WARS1: variants seen among roughly 807,000 people sequenced by gnomAD.
The protein encoded by WARS1 is tryptophan--tRNA ligase, cytoplasmic.
Under a neutral mutation model 47.8 loss-of-function variants are expected in WARS1, and 17 were observed. That is an observed-to-expected ratio of 0.36 (90% confidence interval 0.24 to 0.53). WARS1 has a LOEUF of 0.53. WARS1 is among the 20% of genes least tolerant of loss of function. The pLI, the probability that WARS1 is intolerant of heterozygous loss-of-function variation, is 0.91. For synonymous variants in WARS1, 208 were observed against 228.1 expected (o/e 0.91, Z 0.79); for missense variants, 434 against 608.0 (o/e 0.71, Z 3.01).
chr14:100,374,557 A>C (rs958345339), intron 1 of WARS1, among the ~76,000 whole-genome samples: 4 of 152,226 alleles, frequency 2.6e-5, no homozygotes, highest in Non-Finnish European at 5.9e-5. Flanking sequence ...GAATTGTTTA[A>C]CAGAACAACA....
At chr14:100,363,010 C>T (rs967335872) in intron 2 of WARS1, among the ~76,000 whole-genome samples, 5 of 152,136 alleles carry the variant, frequency 3.3e-5, no homozygotes, top group African/African-American at 7.2e-5. Flanking sequence ...CCAATGGATA[C>T]GATTCATAGA....
chr14:100,352,919 G>A (rs1291920816), intron 6 of WARS1: 1 of 152,230 alleles, frequency 6.6e-6, no homozygotes, highest in Non-Finnish European at 1.5e-5. Flanking sequence ...TTAAATGGCT[G>A]ATTAAAAGAA....
intron 2 of WARS1, among the ~76,000 whole-genome samples, chr14:100,362,180 A>G (rs1424974975): frequency 6.6e-6 from 1 of 152,208 alleles, no homozygotes; most frequent in African/African-American, 2.4e-5. Context: ...CTGTTATTCT[A>G]GTGCTACCAT....
At chr14:100,366,174 C>T (rs1368666776) in intron 2 of WARS1, 13 of 449,804 alleles carry the variant, frequency 2.9e-5, no homozygotes, top group Admixed American at 7.1e-5. Context: ...TAGGGAGCTT[C>T]GGGGAAGGAT....
chr14:100,346,373 TC>T (rs1236817753), intron 7 of WARS1, among the ~76,000 whole-genome samples: 1 of 152,176 alleles, frequency 6.6e-6, no homozygotes, highest in East Asian at 1.9e-4. Context: ...GACCCAGCTG[TC>T]CTTCTTCATC....
At chr14:100,363,097 C>CA (rs1895753056) in intron 2 of WARS1, among the ~76,000 whole-genome samples, 1 of 152,076 alleles carries the variant, frequency 6.6e-6, no homozygotes, top group African/African-American at 2.4e-5. Flanking sequence ...TCAGTACTTG[C>CA]AAAAAATAAC....
At chr14:100,361,227 A>G (rs1199258877) in intron 3 of WARS1, among the ~76,000 whole-genome samples, 2 of 152,214 alleles carry the variant, frequency 1.3e-5, no homozygotes, top group African/African-American at 4.8e-5. Flanking sequence ...ACTTCAATGG[A>G]ATGGCAACAG....
chr14:100,342,328 G>A, intron 9 of WARS1, 70 bp downstream of exon 9: 4 of 1,592,190 alleles, frequency 2.5e-6, no homozygotes, highest in Non-Finnish European at 3.4e-6. Context: ...GCAGTGGTGT[G>A]TGTGTGCGTG....
Position 100,354,556 on chromosome 14 carries a change from G to C in WARS1, c.433C>G (p.Gln145Glu). The change falls in exon 5 of 11, where the codon CAG becomes GAG. Residue 145 changes from glutamine to glutamate, a missense_variant. Transcript: ENST00000392882. Reference sequence around the variant, plus strand: ...TTATTTTCATAGGCATCAAGAACCTGATTCATATCTCTAAAGGAAAAAGGA... The same window carrying C: ...TTATTTTCATAGGCATCAAGAACCTCATTCATATCTCTAAAGGAAAAAGGA... ...GIFFSHRDMN[Q>E]VLDAYENKKP... 6.2e-7 allele frequency: 1 copy of C among 1,611,248 alleles called. No homozygotes were observed.
chr14:100,343,073 C>T (rs1018336271), intron 8 of WARS1, among the ~76,000 whole-genome samples: 5 of 152,190 alleles, frequency 3.3e-5, no homozygotes, highest in South Asian at 2.1e-4. Context: ...GACGGGGTTT[C>T]GCCATGTTGG....
intron 1 of WARS1, chr14:100,374,963 C>T (rs576560178): frequency 6.6e-6 from 1 of 152,148 alleles, no homozygotes; most frequent in African/African-American, 2.4e-5. Context: ...AAGCCAGGCA[C>T]GAGACACTTT....
rs2140002463 is a variant in WARS1, at chr14:100,353,713, G to C, written c.699C>G (p.Phe233Leu). The part of the protein sequence containing the change: ...IACGFDINKT[F>L]IFSDLDYMGM... ...CCATGTAGTCCAGGTCAGAGAATAT[G>C]AAAGTCTTGTTGATGTCAAAGCCAC... The change falls in exon 6 of 11, where the codon TTC becomes TTG. Residue 233 changes from phenylalanine (F) to leucine (L), a missense_variant. Transcript: ENST00000392882. The C allele has an allele frequency of 4.3e-6, 7 of 1,614,232 alleles. No individual in the cohort carries two copies. The highest frequency in any genetic ancestry group is 5.9e-6 in the Non-Finnish European group (7 of 1,180,036).
intron 4 of WARS1, among the ~76,000 whole-genome samples, chr14:100,357,680 C>T (rs750610743): frequency 1.4e-4 from 22 of 152,008 alleles, no homozygotes; most frequent in Non-Finnish European, 7.4e-5. Context: ...AGGCTGGTCT[C>T]GAACTCCTGA....
intron 5 of WARS1, 94 bp from the exon 6 acceptor site, chr14:100,353,963 A>G (rs1056294158): frequency 2.8e-5 from 33 of 1,171,044 alleles, no homozygotes; most frequent in Non-Finnish European, 3.8e-5. Flanking sequence ...CTTACAACGT[A>G]TGTTAAAACT....
At chr14:100,364,335 A>G (rs1045457372) in intron 2 of WARS1, among the ~76,000 whole-genome samples, 4 of 152,138 alleles carry the variant, frequency 2.6e-5, no homozygotes, top group African/African-American at 9.7e-5. Flanking sequence ...TTGCCGCTTT[A>G]ATGAGCTGCT....
chr14:100,355,018 C>A (rs756297351), intron 4 of WARS1, among the ~76,000 whole-genome samples: 1 of 152,132 alleles, frequency 6.6e-6, no homozygotes, highest in Non-Finnish European at 1.5e-5. Flanking sequence ...GAATTGTCCT[C>A]TGGGAGTTCA....
intron 2 of WARS1, among the ~76,000 whole-genome samples, chr14:100,364,770 T>C (rs1429041492): frequency 6.6e-6 from 1 of 152,212 alleles, no homozygotes; most frequent in Admixed American, 6.5e-5. Flanking sequence ...GTTATTCAAA[T>C]TTAATATTAA....
rs898363868 is a variant in WARS1 at position 100,333,933 on chromosome 14, C to A, written c.*942G>T. ...GCACATGCTGCGTGATGAAATGAGGCCTGCCTAGACATCTGTGAGGGCCTC... is the reference window on the plus strand; with the variant it reads ...GCACATGCTGCGTGATGAAATGAGGACTGCCTAGACATCTGTGAGGGCCTC... On this transcript the variant is annotated 3_prime_UTR_variant, in exon 11 of 11. Coordinates refer to ENST00000392882, the MANE Select transcript of WARS1 (RefSeq NM_004184.4). 2.0e-5 allele frequency: 3 copies of A among 152,686 alleles called. No individual in the cohort carries two copies. Among genetic ancestry groups the A allele is most frequent in the African/African-American group, 7.2e-5 (3 of 41,452 alleles). The allele number at this position is 152,686 out of a possible 1,614,324, so 9.5% of individuals were successfully genotyped here.
intron 4 of WARS1, among the ~76,000 whole-genome samples, chr14:100,355,177 T>G (rs985613573): frequency 2.6e-5 from 4 of 152,092 alleles, no homozygotes; most frequent in Non-Finnish European, 5.9e-5. Flanking sequence ...CAGAGACTGA[T>G]TCAATGGATC....
Sources: allele counts gnomAD v4.1 joint callset (sites outside exome capture counted in the v4.1 genomes callset), GRCh38; gene constraint gnomAD v4.1.1; transcripts MANE v1.5; gene names NCBI Gene and HGNC (gene_info 2026-07-23, HGNC 2026-07-21).